The following CSDE1 variants were observed in gnomAD, a reference collection of about 807,000 sequenced individuals.
The protein encoded by CSDE1 is cold shock domain-containing protein E1.
In CSDE1, 17 loss-of-function variants were observed where a neutral mutation model predicts 89.3. The ratio of observed to expected loss-of-function variants is 0.19; its 90% CI spans 0.13 to 0.29. The LOEUF is 0.29. Ranked by LOEUF, CSDE1 falls within the 10% of genes least tolerant of loss-of-function variation. CSDE1 has a pLI of 1.00. For synonymous variants in CSDE1, 322 were observed against 332.8 expected, an observed-to-expected ratio of 0.97 and a Z score of 0.35; for missense variants, 672 against 984.2, an observed-to-expected ratio of 0.68 and a Z score of 4.24.
intron 2 of CSDE1, among the ~76,000 whole-genome samples, chr1:114,749,580 TAA>T (rs1661196299): frequency 6.6e-6 from 1 of 152,202 alleles, no homozygotes; most frequent in Admixed American, 6.5e-5. Flanking sequence ...GGAGCTTCTC[TAA>T]GAGACCAGCA....
chr1:114,719,257 C>T (rs1286226578), intron 18 of CSDE1, among the ~76,000 whole-genome samples: 2 of 152,098 alleles, frequency 1.3e-5, no homozygotes, highest in South Asian at 2.1e-4. Flanking sequence ...TGCAGTGAGT[C>T]GTGATAGCGC....
chr1:114,719,845 T>C, intron 17 of CSDE1, 103 bp from the exon 18 acceptor site: 1 of 1,145,086 alleles, frequency 8.7e-7, no homozygotes, highest in Middle Eastern at 2.0e-4. Context: ...AACATGGTAT[T>C]AATGTTGATA....
At position 114,749,948 on chromosome 1, in the gene CSDE1, A is replaced by G. The variant is rs1439090077; in HGVS notation, c.-128T>C. 1 of 152,650 alleles carries G rather than the reference A, an allele frequency of 6.6e-6. No individual in the cohort carries two copies. Among genetic ancestry groups the G allele is most frequent in the Non-Finnish European group, 1.5e-5 (1 of 68,028 alleles). 9.5% of individuals were successfully genotyped at this position (152,650 alleles called of 1,614,324 possible). A position where few individuals can be genotyped will look rare whatever the true frequency, so the allele number is the denominator to read the frequency against. ...GCGAGAGAAAATGATCTACCAAGCT[A>G]ATAAAGAATACAACTGCTGCTGTAC... On this transcript the variant is annotated 5_prime_UTR_variant, in exon 2 of 20. Transcript: ENST00000358528.
intron 6 of CSDE1, among the ~76,000 whole-genome samples, chr1:114,735,944 T>G (rs1442254642): frequency 1.3e-5 from 2 of 152,164 alleles, no homozygotes; most frequent in Admixed American, 6.5e-5. Context: ...ATTTGATATC[T>G]CTACCCAGAT....
chr1:114,733,589 G>T, intron 9 of CSDE1, 143 bp downstream of exon 9: 4 of 522,428 alleles, frequency 7.7e-6, no homozygotes, highest in Non-Finnish European at 1.2e-5. Context: ...TTCTCTTTTA[G>T]TTTAAATATA....
chr1:114,744,572 CAAAAACAAAAACAA>C (rs1660912613), intron 2 of CSDE1, among the ~76,000 whole-genome samples: 1 of 151,752 alleles, frequency 6.6e-6, no homozygotes, highest in South Asian at 2.1e-4. Context: ...TGTCTCAAAA[CAAAAACAAAAACAA>C]AACAACAAAA....
At chr1:114,736,912 T>A in intron 5 of CSDE1, 57 bp from the exon 6 acceptor site, 3 of 1,293,930 alleles carry the variant, frequency 2.3e-6, no homozygotes, top group Non-Finnish European at 3.3e-6. Flanking sequence ...CACTGTATAC[T>A]GTGATTTACT....
intron 12 of CSDE1, among the ~76,000 whole-genome samples, chr1:114,728,098 C>T (rs1017045704): frequency 7.9e-5 from 12 of 152,166 alleles, no homozygotes; most frequent in African/African-American, 2.9e-4. Flanking sequence ...TACAACATTA[C>T]CAGGTATTAT....
intron 5 of CSDE1, 25 bp downstream of exon 5, chr1:114,737,446 G>A: frequency 1.9e-6 from 3 of 1,566,062 alleles, no homozygotes; most frequent in Non-Finnish European, 1.8e-6. Flanking sequence ...TCAGGCAAAG[G>A]TTTAAGAAAA....
Position 114,726,989 on chromosome 1 carries a change from T to C in CSDE1, c.1458A>G (p.Gly486=). The part of the protein sequence containing the change: ...DVEGSTSPQI[G]DKVEFSISDK... ...ATGAGCAGAATTATCTTGCCTTATC[T>C]CCTATTTGAGGAGAAGTAGATCCTT... The change falls in exon 13 of 20, where the codon GGA becomes GGG. Residue 486 remains glycine, a synonymous_variant. Transcript: ENST00000358528. 1 of 1,605,570 alleles carries C rather than the reference T, an allele frequency of 6.2e-7. No homozygotes were observed. The highest frequency in any genetic ancestry group is 1.3e-5 in the African/African-American group (1 of 74,884).
At chr1:114,748,728 AC>A (rs1661143939) in intron 2 of CSDE1, among the ~76,000 whole-genome samples, 2 of 152,086 alleles carry the variant, frequency 1.3e-5, no homozygotes, top group Admixed American at 1.3e-4. Flanking sequence ...CTTTTTCTCT[AC>A]CTACACCTTA....
intron 1 of CSDE1, among the ~76,000 whole-genome samples, chr1:114,757,240 T>C (rs1400772197): frequency 6.6e-6 from 1 of 152,120 alleles, no homozygotes; most frequent in Non-Finnish European, 1.5e-5. Context: ...GGAGTAACGA[T>C]GTCAATTCCG....
In CSDE1 at chr1:114,717,486, T is replaced by C. The variant is rs1659248733; in HGVS notation, c.*683A>G. On this transcript the variant is annotated 3_prime_UTR_variant, in exon 20 of 20. Coordinates refer to ENST00000358528, the MANE Select transcript of CSDE1 (RefSeq NM_001007553.3). Reference sequence around the variant, plus strand: ...GAAATTCTGCACCATACTTACTAATTGTAGTAAAGTTACCCCCCAACCCAC... The same window carrying C: ...GAAATTCTGCACCATACTTACTAATCGTAGTAAAGTTACCCCCCAACCCAC... The C allele has an allele frequency of 6.6e-6, 1 of 152,470 alleles. No individual in the cohort carries two copies. The highest frequency in any genetic ancestry group is 1.5e-5 in the Non-Finnish European group (1 of 68,016). 9.4% of individuals were successfully genotyped at this position (152,470 alleles called of 1,614,324 possible).
chr1:114,740,085 G>C (rs530683302), intron 2 of CSDE1, among the ~76,000 whole-genome samples, 195 bp from the exon 3 acceptor site: 1 of 152,090 alleles, frequency 6.6e-6, no homozygotes, highest in Non-Finnish European at 1.5e-5. Flanking sequence ...TATTATATTG[G>C]GGAATTGCCC....
intron 1 of CSDE1, among the ~76,000 whole-genome samples, chr1:114,753,504 T>G (rs1407688892): frequency 6.6e-6 from 1 of 152,210 alleles, no homozygotes; most frequent in Non-Finnish European, 1.5e-5. Context: ...TAAATAGCTA[T>G]CCACTCATGC....
intron 12 of CSDE1, among the ~76,000 whole-genome samples, chr1:114,729,207 T>C (rs1463652268): frequency 6.6e-6 from 1 of 152,062 alleles, no homozygotes; most frequent in Non-Finnish European, 1.5e-5. Flanking sequence ...CACGCCATTC[T>C]CCTGCCTCAG....
At position 114,730,497 on chromosome 1, in the gene CSDE1, AAAC is replaced by A. The variant is rs1412027267; in HGVS notation, c.1191+8_1191+10del. 4 of 1,612,914 alleles carry A rather than the reference AAAC, an allele frequency of 2.5e-6. No homozygotes were observed. The highest frequency in any genetic ancestry group is 3.4e-6 in the Non-Finnish European group (4 of 1,179,616). Reference sequence around the variant, plus strand: ...AGAAACACCTCCCAACTTTTCTCAGAAACAACTCACAGGAACCACAGTAAACTC... The same window carrying A: ...AGAAACACCTCCCAACTTTTCTCAGAAACTCACAGGAACCACAGTAAACTC... On this transcript the variant is annotated splice_region_variant and intron_variant, in intron 11 of 19. Coordinates refer to ENST00000358528, the MANE Select transcript of CSDE1 (RefSeq NM_001007553.3).
chr1:114,728,269 GTGAACTCAGGTC>G (rs1439286150), intron 12 of CSDE1, among the ~76,000 whole-genome samples: 1 of 152,144 alleles, frequency 6.6e-6, no homozygotes, highest in Non-Finnish European at 1.5e-5. Flanking sequence ...AACAATGTCA[GTGAACTCAGGTC>G]TGACTCCAAT....
chr1:114,756,088 C>T (rs1220708172), intron 1 of CSDE1, among the ~76,000 whole-genome samples: 2 of 152,200 alleles, frequency 1.3e-5, no homozygotes, highest in Non-Finnish European at 2.9e-5. Flanking sequence ...AGCCAGACTG[C>T]ACGTCAGCTT....
Sources: allele counts gnomAD v4.1 joint callset (sites outside exome capture counted in the v4.1 genomes callset), GRCh38; gene constraint gnomAD v4.1.1; transcripts MANE v1.5; gene names NCBI Gene and HGNC (gene_info 2026-07-23, HGNC 2026-07-21).